ZNF107: variants seen among roughly 807,000 people sequenced by gnomAD.
ZNF107 encodes the protein C2H2 type zinc-finger protein.
Under a neutral mutation model 12.3 loss-of-function variants are expected in ZNF107, and 19 were observed. The observed-to-expected ratio is 1.55, with a 90% CI of 1.08 to 2.27. The LOEUF (loss-of-function observed/expected upper bound fraction) is 2.27, where lower values mean the gene tolerates loss of function less well. Ranked by LOEUF, ZNF107 falls within the 30% of genes most tolerant of loss-of-function variation. The pLI, the probability that ZNF107 is intolerant of heterozygous loss-of-function variation, is 0.00. For missense variants in ZNF107, 958 were observed against 979.9 expected, an observed-to-expected ratio of 0.98 and a Z score of 0.30; for synonymous variants, 317 against 330.5, an observed-to-expected ratio of 0.96 and a Z score of 0.44.
intron 1 of ZNF107, among the ~76,000 whole-genome samples, chr7:64,688,183 A>T (rs1789990321): frequency 6.6e-6 from 1 of 151,928 alleles, no homozygotes; most frequent in Non-Finnish European, 1.5e-5. Flanking sequence ...TTCAGAGATC[A>T]TGGGACCCAG....
At chr7:64,690,260 C>G (rs1347453231) in intron 1 of ZNF107, 1 of 536,412 alleles carries the variant, frequency 1.9e-6, no homozygotes, top group Non-Finnish European at 2.4e-6. Flanking sequence ...AATAAAATTA[C>G]CCTAGAAAAC....
chr7:64,692,045 T>C, intron 3 of ZNF107, 85 bp downstream of exon 3: 1 of 955,086 alleles, frequency 1.0e-6, no homozygotes. Context: ...AAAATATGAT[T>C]TGGGAAGCTG....
At chr7:64,667,557 C>G (rs1789050548) in intron 1 of ZNF107, among the ~76,000 whole-genome samples, 1 of 152,188 alleles carries the variant, frequency 6.6e-6, no homozygotes, top group African/African-American at 2.4e-5. Flanking sequence ...TCGGTTTTCT[C>G]CTGGTCCTGG....
intron 1 of ZNF107, among the ~76,000 whole-genome samples, chr7:64,683,215 T>C (rs756947208): frequency 4.6e-5 from 7 of 152,170 alleles, no homozygotes; most frequent in Non-Finnish European, 8.8e-5. Flanking sequence ...ACATCCTTCA[T>C]CACAGTGCTG....
chr7:64,706,260 G>A (rs1377716015), intron 3 of ZNF107, 64 bp from the exon 4 acceptor site: 1 of 1,272,478 alleles, frequency 7.9e-7, no homozygotes, highest in East Asian at 2.7e-5. Flanking sequence ...TTATAGATTA[G>A]ATTTTAAAGT....
Position 64,706,516 on chromosome 7 carries a change from C to T in ZNF107, c.419C>T (p.Thr140Ile). The T allele has an allele frequency of 6.2e-7, 1 of 1,610,578 alleles. No individual in the cohort carries two copies. The highest frequency in any genetic ancestry group is 1.1e-5 in the South Asian group (1 of 90,590). ...HNTVNQCLTA[T>I]PSKIFQCNKY... ...ACAGTTAACCAATGTTTGACAGCTA[C>T]CCCAAGCAAAATATTCCAGTGTAAT... Residue 140 changes from threonine to isoleucine, a missense_variant, in exon 4 of 4, where the codon ACC (threonine) becomes ATC (isoleucine). By Grantham distance (89) the Thr-to-Ile change is moderately conservative. Coordinates refer to ENST00000620827, the MANE Select transcript of ZNF107 (RefSeq NM_001282359.2).
chr7:64,686,523 G>A (rs955281348), intron 1 of ZNF107: 12 of 985,102 alleles, frequency 1.2e-5, no homozygotes, highest in African/African-American at 7.0e-5. Flanking sequence ...ACATCACCCC[G>A]TCCACTTCTT....
intron 1 of ZNF107, among the ~76,000 whole-genome samples, chr7:64,667,497 C>A (rs1047387596): frequency 6.6e-6 from 1 of 152,174 alleles, no homozygotes; most frequent in Admixed American, 6.5e-5. Flanking sequence ...GTTTTTGGGT[C>A]AAGGTTTCCC....
chr7:64,697,038 G>A (rs907696927), intron 3 of ZNF107, among the ~76,000 whole-genome samples: 2 of 150,002 alleles, frequency 1.3e-5, no homozygotes, highest in Admixed American at 1.3e-4. Context: ...TCATTGTTCA[G>A]TTCCCACCTA....
chr7:64,684,796 A>G lies in ZNF107; in HGVS notation c.4-6452A>G, dbSNP rs1408708762. ...GACGCCTCTGTTTACCTTCCTACTC[A>G]CTCTTTATCTATCCCTCCTGCTCCT... On this transcript the variant is annotated intron_variant, in intron 1 of 3. Transcript: ENST00000620827. 5.5e-6 allele frequency: 5 copies of G among 900,942 alleles called. No homozygotes were observed. In the African/African-American group the frequency reaches 9.1e-5, roughly 16 times the overall value. The allele number at this position is 900,942 out of a possible 1,614,324, so 55.8% of individuals were successfully genotyped here. A position where few individuals can be genotyped will look rare whatever the true frequency, so the allele number is the denominator to read the frequency against.
At chr7:64,682,116 A>T (rs1789703216) in intron 1 of ZNF107, among the ~76,000 whole-genome samples, 1 of 24,094 alleles carries the variant, frequency 4.2e-5, no homozygotes, top group Admixed American at 4.2e-4. Context: ...CAGTATGTCG[A>T]TGATCTCTGC....
At position 64,708,402 on chromosome 7, in the gene ZNF107, G is replaced by A. The variant is rs756091616; in HGVS notation, c.2305G>A (p.Ala769Thr). Residue 769 changes from alanine to threonine, a missense_variant, in exon 4 of 4, where the codon GCT becomes ACT. Ala to Thr is a moderately conservative substitution (Grantham distance 58). Coordinates refer to ENST00000620827, the MANE Select transcript of ZNF107 (RefSeq NM_001282359.2). ...CTATAAATGTGAAGAATGTGGCAAA[G>A]CTTTTAACCAATCCTCAAACCTTAC... ...KPYKCEECGKAFNQSSNLTTH... is the reference protein window; with the variant it reads ...KPYKCEECGKTFNQSSNLTTH... The A allele has an allele frequency of 1.2e-6, 2 of 1,603,686 alleles. No individual in the cohort carries two copies. Among genetic ancestry groups the A allele is most frequent in the African/African-American group, 1.3e-5 (1 of 74,532 alleles).
chr7:64,708,208 C>A lies in ZNF107; in HGVS notation c.2111C>A (p.Pro704His). The change falls in exon 4 of 4, where the codon CCT becomes CAT. Residue 704 changes from proline to histidine, a missense_variant. Physicochemically the swap from Pro to His is moderately conservative, Grantham distance 77. Coordinates refer to ENST00000620827, the MANE Select transcript of ZNF107 (RefSeq NM_001282359.2). Reference protein sequence around the residue: ...IHKRIHTGEKPYQCAECGKAF... With the variant: ...IHKRIHTGEKHYQCAECGKAF... ...AAGAGAATTCATACGGGAGAGAAAC[C>A]TTACCAATGTGCAGAATGTGGCAAA... The A allele has an allele frequency of 5.0e-6, 8 of 1,613,216 alleles. No homozygotes were observed. The highest frequency in any genetic ancestry group is 6.8e-6 in the Non-Finnish European group (8 of 1,179,664).
rs201059012 is a variant in ZNF107 at position 64,670,555 on chromosome 7, AAAAG to A, written c.3+4274_3+4277del. ...AAATTCAGCTAATTTTTTAATATGA[AAAAG>A]AAAATATGCAGAGTGAGTGTTTGGT... On this transcript the variant is annotated intron_variant, in intron 1 of 3. Transcript: ENST00000620827. 3.7e-4 allele frequency among the ~76,000 whole-genome samples: 56 copies of A among 151,740 alleles called. 1 individual carries two copies. In the East Asian group the frequency reaches 9.1e-3, roughly 25 times the overall value.
At chr7:64,694,256 C>T (rs942466832) in intron 3 of ZNF107, among the ~76,000 whole-genome samples, 3 of 152,050 alleles carry the variant, frequency 2.0e-5, no homozygotes, top group African/African-American at 7.2e-5. Flanking sequence ...GACAGGACCT[C>T]TCGCAGACTG....
At chr7:64,697,021 A>C (rs1178771145) in intron 3 of ZNF107, among the ~76,000 whole-genome samples, 2 of 151,256 alleles carry the variant, frequency 1.3e-5, no homozygotes, top group African/African-American at 4.9e-5. Context: ...CCTGTGTCCA[A>C]GTGTTCTCAT....
At chr7:64,689,150 G>A (rs1584478853) in intron 1 of ZNF107, among the ~76,000 whole-genome samples, 1 of 152,082 alleles carries the variant, frequency 6.6e-6, no homozygotes, top group African/African-American at 2.4e-5. Flanking sequence ...ATGTGCTAGA[G>A]CAGCCTCTAT....
In ZNF107 at chr7:64,709,132, TG is replaced by T; in HGVS notation, c.*477del. 2.2e-6 allele frequency: 1 copy of T among 464,634 alleles called. No homozygotes were observed. The highest frequency in any genetic ancestry group is 4.3e-6 in the Non-Finnish European group (1 of 230,690). 28.8% of individuals were successfully genotyped at this position (464,634 alleles called of 1,614,324 possible). On this transcript the variant is annotated 3_prime_UTR_variant, in exon 4 of 4. Transcript: ENST00000620827. ...ATACTGGAGAGAAAGCCTACAATTG[TG>T]AAGAATGTGGCAAAGCTTTTAACCT... is the stretch of plus-strand genomic sequence containing the variant.
intron 1 of ZNF107, among the ~76,000 whole-genome samples, chr7:64,667,320 A>G (rs1789041311): frequency 6.6e-6 from 1 of 152,224 alleles, no homozygotes; most frequent in African/African-American, 2.4e-5. Flanking sequence ...ATTTTAATTA[A>G]TCATTGTTGA....
Sources: gnomAD v4.1 joint callset for allele counts (sites outside exome capture counted in the v4.1 genomes callset) on GRCh38, gnomAD v4.1.1 for gene constraint, MANE v1.5 for transcripts, NCBI Gene and HGNC (gene_info 2026-07-23, HGNC 2026-07-21) for gene names.